Variants in ABHD17B observed in about 807,000 individuals in gnomAD.
The protein encoded by ABHD17B is alpha/beta hydrolase domain-containing protein 17B.
In ABHD17B, 9 loss-of-function variants were observed where a neutral mutation model predicts 26.2. That is an observed-to-expected ratio of 0.34 (90% CI 0.21 to 0.60). The LOEUF (loss-of-function observed/expected upper bound fraction) is 0.60. Ranked by LOEUF, ABHD17B falls within the 20% of genes least tolerant of loss-of-function variation. The pLI is 0.80. For synonymous variants in ABHD17B, 127 were observed against 122.3 expected (o/e 1.04, Z -0.25); for missense variants, 224 against 352.1 (o/e 0.64, Z 2.91).
At chr9:71,867,570 G>A (rs538777909) in intron 3 of ABHD17B, among the ~76,000 whole-genome samples, 7 of 152,320 alleles carry the variant, frequency 4.6e-5, no homozygotes, top group African/African-American at 1.7e-4. Context: ...AGATGGTAAA[G>A]TGATGAACGA....
At chr9:71,865,118 G>C (rs902770371), downstream of ABHD17B, 2 of 975,496 alleles carry the variant, frequency 2.1e-6, no homozygotes, top group African/African-American at 1.8e-5. Flanking sequence ...TAGTGTGGGG[G>C]TGGGGAGCAT....
chr9:71,862,804 A>T (rs1825862953), downstream of ABHD17B, among the ~76,000 whole-genome samples: 1 of 152,166 alleles, frequency 6.6e-6, no homozygotes, highest in Non-Finnish European at 1.5e-5. Context: ...ATTTTTGCAG[A>T]GACAGGGTCT....
chr9:71,873,987 G>A (rs1826186620), intron 2 of ABHD17B, among the ~76,000 whole-genome samples: 1 of 152,096 alleles, frequency 6.6e-6, no homozygotes, highest in South Asian at 2.1e-4. Context: ...ATAAAATAAT[G>A]CAAATCTTGG....
intron 1 of ABHD17B, among the ~76,000 whole-genome samples, chr9:71,896,777 A>T (rs1057134088): frequency 1.3e-5 from 2 of 152,150 alleles, no homozygotes; most frequent in African/African-American, 4.8e-5. Context: ...TGACAGAATT[A>T]AAAGGGAAAA....
intron 1 of ABHD17B, among the ~76,000 whole-genome samples, chr9:71,893,880 G>A (rs537807409): frequency 4.6e-4 from 70 of 152,196 alleles, no homozygotes; most frequent in African/African-American, 1.7e-3. Flanking sequence ...ACAAGGTCAG[G>A]AGATGGAGAT....
Position 71,865,385 on chromosome 9 carries a change from T to C in ABHD17B, c.*1402A>G. 1.0e-6 allele frequency: 1 copy of C among 984,064 alleles called. No individual in the cohort carries two copies. Among genetic ancestry groups the C allele is most frequent in the Non-Finnish European group, 1.2e-6 (1 of 828,442 alleles). The allele number at this position is 984,064 out of a possible 1,614,324, so 61.0% of individuals were successfully genotyped here. Reference sequence around the variant, plus strand: ...CCATTAATTTTATTTTTATTTTTCATTGTTTTATTCAGACAGGGTTCATTC... The same window carrying C: ...CCATTAATTTTATTTTTATTTTTCACTGTTTTATTCAGACAGGGTTCATTC... On this transcript the variant is annotated 3_prime_UTR_variant, in exon 4 of 4. Coordinates refer to ENST00000333421, the MANE Select transcript of ABHD17B (RefSeq NM_001025780.3).
Position 71,874,488 on chromosome 9 carries a change from A to G in ABHD17B, c.467+126T>C, listed in dbSNP as rs567296238. ...GTCTAAAATATTTATTCACAGGTAT[A>G]TAATAGTAAATATAACCTCTATATA... On this transcript the variant is annotated intron_variant, in intron 2 of 3. Transcript: ENST00000333421. 78 of 673,974 alleles carry G rather than the reference A, an allele frequency of 1.2e-4. No individual in the cohort carries two copies. The African/African-American group carries it at 1.3e-3, about 11-fold the overall frequency. 41.7% of individuals were successfully genotyped at this position (673,974 alleles called of 1,614,324 possible). A position where few individuals can be genotyped will look rare whatever the true frequency, so the allele number is the denominator to read the frequency against.
chr9:71,864,504 C>T (rs1825903620), downstream of ABHD17B, among the ~76,000 whole-genome samples: 1 of 152,080 alleles, frequency 6.6e-6, no homozygotes, highest in South Asian at 2.1e-4. Context: ...CAGACATGAG[C>T]CACCGCCCCT....
chr9:71,873,523 G>A (rs1826171418), intron 2 of ABHD17B, among the ~76,000 whole-genome samples: 3 of 151,594 alleles, frequency 2.0e-5, no homozygotes, highest in Admixed American at 6.6e-5. Flanking sequence ...TCAGCTTCCC[G>A]AATACCTGGG....
intron 1 of ABHD17B, among the ~76,000 whole-genome samples, chr9:71,876,532 C>T (rs1305356118): frequency 6.6e-6 from 1 of 151,880 alleles, no homozygotes; most frequent in East Asian, 1.9e-4. Context: ...CAAAATTAGG[C>T]CATTGCTTAG....
At chr9:71,893,519 T>G (rs1196617360) in intron 1 of ABHD17B, among the ~76,000 whole-genome samples, 1 of 152,208 alleles carries the variant, frequency 6.6e-6, no homozygotes, top group African/African-American at 2.4e-5. Context: ...GCAAGGCATG[T>G]AGGAAGGGGA....
intron 1 of ABHD17B, among the ~76,000 whole-genome samples, chr9:71,894,931 T>C (rs1826910855): frequency 6.6e-6 from 1 of 152,230 alleles, no homozygotes; most frequent in Admixed American, 6.5e-5. Flanking sequence ...TTTTGAACCA[T>C]ATAACATACC....
intron 3 of ABHD17B, among the ~76,000 whole-genome samples, chr9:71,868,964 C>T (rs1190772990): frequency 6.6e-6 from 1 of 152,184 alleles, no homozygotes; most frequent in Non-Finnish European, 1.5e-5. Flanking sequence ...GCTGGGACTA[C>T]AGGCGTGAAC....
chr9:71,893,628 C>G (rs1401149165), intron 1 of ABHD17B, among the ~76,000 whole-genome samples: 1 of 152,216 alleles, frequency 6.6e-6, no homozygotes, highest in African/African-American at 2.4e-5. Context: ...TTGATTAAAT[C>G]ACTGGCTGTT....
intron 1 of ABHD17B, among the ~76,000 whole-genome samples, chr9:71,908,491 T>A (rs1278845437): frequency 6.6e-6 from 1 of 151,002 alleles, no homozygotes; most frequent in South Asian, 2.1e-4. Context: ...ATGTGAGAAA[T>A]TTTAAAGAGT....
chr9:71,893,720 C>A (rs932442200), intron 1 of ABHD17B, among the ~76,000 whole-genome samples: 1 of 152,224 alleles, frequency 6.6e-6, no homozygotes, highest in African/African-American at 2.4e-5. Context: ...CTAATCCTGC[C>A]TGTTTCTGGG....
At chr9:71,881,073 T>G (rs191693916) in intron 1 of ABHD17B, among the ~76,000 whole-genome samples, 2 of 152,024 alleles carry the variant, frequency 1.3e-5, no homozygotes, top group Non-Finnish European at 2.9e-5. Flanking sequence ...AGTTGGAGGA[T>G]TCACACTTCC....
rs1316680567 is a variant in ABHD17B at position 71,866,982 on chromosome 9, G to T, written c.672C>A (p.Thr224=). 1.2e-6 allele frequency: 2 copies of T among 1,613,896 alleles called. No individual in the cohort carries two copies. Among genetic ancestry groups the T allele is most frequent in the African/African-American group, 2.7e-5 (2 of 74,898 alleles). Residue 224 remains threonine (T), a synonymous_variant, in exon 4 of 4, where the codon ACC becomes ACA. Transcript: ENST00000333421. The part of the protein sequence containing the change: ...FPNIDKISKI[T]SPVLIIHGTE... ...TCCCATGAATTATTAATACTGGAGA[G>T]GTTATCTTAGAGATTTTGTCAATGC...
At chr9:71,909,764 T>C (rs527492572) in intron 1 of ABHD17B, among the ~76,000 whole-genome samples, 6 of 152,326 alleles carry the variant, frequency 3.9e-5, no homozygotes, top group Admixed American at 3.3e-4. Context: ...TATTCCGTTA[T>C]TCATCCTTTT....
Sources: gnomAD v4.1 joint callset for allele counts (sites outside exome capture counted in the v4.1 genomes callset) on GRCh38, gnomAD v4.1.1 for gene constraint, MANE v1.5 for transcripts, NCBI Gene and HGNC (gene_info 2026-07-23, HGNC 2026-07-21) for gene names.